Variants in MYO1D observed in about 807,000 individuals in gnomAD.
The protein encoded by MYO1D is unconventional myosin-Id.
MYO1D carries 83 observed loss-of-function variants against 122.0 expected under a neutral mutation model. The ratio of observed to expected loss-of-function variants is 0.68; its 90% CI spans 0.57 to 0.82. The LOEUF is 0.82. Among genes scored for constraint, MYO1D ranks in the 40% least tolerant of loss-of-function variants. The pLI is 0.00. For missense variants in MYO1D, 1,157 were observed against 1,269.5 expected, an observed-to-expected ratio of 0.91 and a Z score of 1.35; for synonymous variants, 464 against 446.9, an observed-to-expected ratio of 1.04 and a Z score of -0.48.
In MYO1D at chr17:32,801,175, C is replaced by A. The variant is rs926114063; in HGVS notation, c.96-20391G>T. 1.6e-4 allele frequency among the ~76,000 whole-genome samples: 25 copies of A among 152,220 alleles called. No homozygotes were observed. In the East Asian group the frequency reaches 4.0e-3, roughly 25 times the overall value. On this transcript the variant is annotated intron_variant, in intron 1 of 21. Coordinates refer to ENST00000318217, the MANE Select transcript of MYO1D (RefSeq NM_015194.3). ...GCTTATTTATAAATAATATTATTTACAAATCTTTACTTAAACAAGTCTTAC... is the reference window on the plus strand; with the variant it reads ...GCTTATTTATAAATAATATTATTTAAAAATCTTTACTTAAACAAGTCTTAC...
intron 21 of MYO1D, among the ~76,000 whole-genome samples, chr17:32,522,699 AGAG>A (rs1218387968): frequency 1.3e-5 from 2 of 152,154 alleles, no homozygotes; most frequent in Non-Finnish European, 2.9e-5. Context: ...CGAGTGGGGT[AGAG>A]GAGTCACACA....
intron 21 of MYO1D, among the ~76,000 whole-genome samples, chr17:32,560,890 T>G (rs2087118988): frequency 6.6e-6 from 1 of 151,358 alleles, no homozygotes; most frequent in South Asian, 2.1e-4. Flanking sequence ...AGTGCGAGGA[T>G]TACAGGCATG....
chr17:32,525,322 T>C (rs1026651887), intron 21 of MYO1D, among the ~76,000 whole-genome samples: 1 of 152,262 alleles, frequency 6.6e-6, no homozygotes, highest in African/African-American at 2.4e-5. Flanking sequence ...TTCCTGGCTA[T>C]TTTAAGCCTC....
intron 1 of MYO1D, among the ~76,000 whole-genome samples, chr17:32,862,229 C>G (rs1023330340): frequency 1.3e-5 from 2 of 152,206 alleles, no homozygotes; most frequent in Admixed American, 1.3e-4. Flanking sequence ...GAACTCTGCT[C>G]TTTCTCTTCA....
intron 16 of MYO1D, among the ~76,000 whole-genome samples, chr17:32,668,341 C>T (rs1204594872): frequency 6.6e-6 from 1 of 152,188 alleles, no homozygotes; most frequent in African/African-American, 2.4e-5. Flanking sequence ...GGCTTACCAC[C>T]TGGTAAAGAG....
intron 21 of MYO1D, among the ~76,000 whole-genome samples, chr17:32,584,729 C>CT (rs2087371374): frequency 6.6e-6 from 1 of 152,162 alleles, no homozygotes; most frequent in Non-Finnish European, 1.5e-5. Context: ...TCCTGATCCT[C>CT]CTGCCTCAGC....
chr17:32,687,419 G>A (rs572535695), intron 16 of MYO1D, among the ~76,000 whole-genome samples: 7 of 152,100 alleles, frequency 4.6e-5, no homozygotes, highest in African/African-American at 7.2e-5. Flanking sequence ...GGATGGTCTC[G>A]ATCTCCTGAC....
intron 16 of MYO1D, among the ~76,000 whole-genome samples, chr17:32,684,622 A>G (rs8070096): frequency 0.015 from 2,229 of 152,280 alleles, 43 homozygotes; most frequent in African/African-American, 0.048. Flanking sequence ...CTAAAAAGAA[A>G]CAGCCCATCC....
intron 1 of MYO1D, among the ~76,000 whole-genome samples, chr17:32,851,934 A>AC (rs1029581767): frequency 6.6e-6 from 1 of 151,980 alleles, no homozygotes; most frequent in Non-Finnish European, 1.5e-5. Context: ...GGGGGTTGGG[A>AC]CCCCTGATCT....
intron 1 of MYO1D, among the ~76,000 whole-genome samples, chr17:32,836,910 A>T (rs1452972937): frequency 6.6e-6 from 1 of 152,088 alleles, no homozygotes; most frequent in African/African-American, 2.4e-5. Flanking sequence ...TATACCTAGG[A>T]GTTAAATCGC....
chr17:32,546,844 T>C (rs1989805), intron 21 of MYO1D, among the ~76,000 whole-genome samples: 63,076 of 151,722 alleles, frequency 0.42, 13,915 homozygotes, highest in East Asian at 0.54. Flanking sequence ...TTTATTTTGT[T>C]TGGGTTATCT....
chr17:32,619,630 T>G (rs554067728), intron 20 of MYO1D, among the ~76,000 whole-genome samples: 219 of 152,356 alleles, frequency 1.4e-3, no homozygotes, highest in African/African-American at 5.1e-3. Flanking sequence ...ACCATTGATT[T>G]AGGTAAAACT....
intron 20 of MYO1D, among the ~76,000 whole-genome samples, chr17:32,627,385 G>C (rs2087942204): frequency 6.6e-6 from 1 of 152,176 alleles, no homozygotes; most frequent in Non-Finnish European, 1.5e-5. Context: ...AGGGTAGGGT[G>C]CTTTAGAAAT....
intron 8 of MYO1D, among the ~76,000 whole-genome samples, chr17:32,760,883 C>T (rs1278662228): frequency 6.6e-6 from 1 of 152,166 alleles, no homozygotes; most frequent in Non-Finnish European, 1.5e-5. Context: ...CGACACTCTC[C>T]AGGCATGTTT....
At chr17:32,591,995 AT>A (rs1272151414) in intron 21 of MYO1D, among the ~76,000 whole-genome samples, 2 of 152,236 alleles carry the variant, frequency 1.3e-5, no homozygotes, top group Non-Finnish European at 2.9e-5. Flanking sequence ...TTGTATGGAA[AT>A]ACCATCAAGT....
At chr17:32,502,638 C>G (rs1909353797) in intron 21 of MYO1D, among the ~76,000 whole-genome samples, 1 of 152,166 alleles carries the variant, frequency 6.6e-6, no homozygotes, top group South Asian at 2.1e-4. Context: ...CTCTCCTCAT[C>G]TCAAGTTTAG....
chr17:32,814,180 C>A (rs933746302), intron 1 of MYO1D, among the ~76,000 whole-genome samples: 1 of 152,028 alleles, frequency 6.6e-6, no homozygotes, highest in South Asian at 2.1e-4. Flanking sequence ...CCTGTCTCCA[C>A]TAAAATTACA....
At chr17:32,835,159 T>C (rs2090810471) in intron 1 of MYO1D, among the ~76,000 whole-genome samples, 1 of 151,978 alleles carries the variant, frequency 6.6e-6, no homozygotes, top group Admixed American at 6.6e-5. Flanking sequence ...TTGCTTTCTT[T>C]TGGGGTTTTT....
At chr17:32,695,836 T>C (rs1464366289) in intron 16 of MYO1D, among the ~76,000 whole-genome samples, 2 of 152,258 alleles carry the variant, frequency 1.3e-5, no homozygotes, top group African/African-American at 2.4e-5. Context: ...CTTAAAAATG[T>C]GCAGACTCTA....
Sources: gnomAD v4.1 joint callset for allele counts (sites outside exome capture counted in the v4.1 genomes callset) on GRCh38, gnomAD v4.1.1 for gene constraint, MANE v1.5 for transcripts, NCBI Gene and HGNC (gene_info 2026-07-23, HGNC 2026-07-21) for gene names.